The following DNAH7 variants were observed in gnomAD, a reference collection of about 807,000 sequenced individuals.
DNAH7 encodes the protein axonemal beta dynein heavy chain 7.
A neutral mutation model predicts 444.6 loss-of-function variants in DNAH7; 397 were observed. The ratio of observed to expected loss-of-function variants is 0.89; its 90% CI spans 0.82 to 0.97. DNAH7 has a LOEUF of 0.97. Ranked by LOEUF, DNAH7 falls within the 50% of genes least tolerant of loss-of-function variation. DNAH7 has a pLI of 0.00. For synonymous variants in DNAH7, 1,636 were observed against 1,624.4 expected, an observed-to-expected ratio of 1.01 and a Z score of -0.17; for missense variants, 4,902 against 4,800.8, an observed-to-expected ratio of 1.02 and a Z score of -0.62.
chr2:195,959,528 A>G (rs1690932632), intron 18 of DNAH7, among the ~76,000 whole-genome samples: 1 of 152,242 alleles, frequency 6.6e-6, no homozygotes, highest in African/African-American at 2.4e-5. Context: ...AAGACCAATC[A>G]GAACATGCCC....
chr2:195,770,600 C>A, intron 61 of DNAH7, among the ~76,000 whole-genome samples: 1 of 152,164 alleles, frequency 6.6e-6, no homozygotes. Context: ...AGGTCTCTCT[C>A]CAAGAGTCAT....
chr2:195,849,967 G>T (rs1255208914), intron 46 of DNAH7, among the ~76,000 whole-genome samples: 3 of 152,164 alleles, frequency 2.0e-5, no homozygotes, highest in Non-Finnish European at 4.4e-5. Context: ...TTTTGGAGAG[G>T]TCTGCAAGCT....
intron 21 of DNAH7, among the ~76,000 whole-genome samples, chr2:195,931,430 G>A (rs1177755139): frequency 6.6e-6 from 1 of 151,938 alleles, no homozygotes; most frequent in Non-Finnish European, 1.5e-5. Context: ...AGTTTAATGA[G>A]ATCCCATTTG....
intron 27 of DNAH7, chr2:195,904,698 G>T (rs1358641169): frequency 6.6e-6 from 1 of 152,238 alleles, no homozygotes; most frequent in African/African-American, 2.4e-5. Context: ...AAGACAGAAG[G>T]CAGGGAGCAG....
At chr2:195,978,151 A>T (rs1330072436) in intron 15 of DNAH7, among the ~76,000 whole-genome samples, 1 of 151,668 alleles carries the variant, frequency 6.6e-6, no homozygotes, top group Non-Finnish European at 1.5e-5. Context: ...TGTTAAGTAG[A>T]AAGGCAGAAA....
chr2:195,817,149 T>A (rs1391348279), intron 50 of DNAH7, among the ~76,000 whole-genome samples, 186 bp from the exon 51 acceptor site: 2 of 152,204 alleles, frequency 1.3e-5, no homozygotes, highest in Admixed American at 1.3e-4. Context: ...AGATGGGCCT[T>A]TCTGCTCCAG....
intron 58 of DNAH7, among the ~76,000 whole-genome samples, chr2:195,781,703 A>G (rs969127264): frequency 6.6e-5 from 10 of 151,874 alleles, no homozygotes; most frequent in Non-Finnish European, 1.0e-4. Context: ...TTAGTTATCA[A>G]AAAGGGGAAA....
intron 63 of DNAH7, among the ~76,000 whole-genome samples, chr2:195,753,247 G>A (rs566524808): frequency 1.3e-5 from 2 of 152,018 alleles, no homozygotes; most frequent in East Asian, 1.9e-4. Context: ...AGGATAAGGT[G>A]AGATGTGGGA....
chr2:195,957,549 GT>G, intron 18 of DNAH7, 102 bp from the exon 19 acceptor site: 1 of 750,698 alleles, frequency 1.3e-6, no homozygotes, highest in Non-Finnish European at 2.0e-6. Context: ...TGTATATAAT[GT>G]TATACAATTG....
At chr2:195,993,957 T>TA (rs751384641) in intron 12 of DNAH7, among the ~76,000 whole-genome samples, 1 of 152,196 alleles carries the variant, frequency 6.6e-6, no homozygotes. Context: ...AAGAAAAAGT[T>TA]AGAGTGAGAA....
At chr2:195,922,990 T>C (rs1490720068) in intron 23 of DNAH7, among the ~76,000 whole-genome samples, 1 of 152,044 alleles carries the variant, frequency 6.6e-6, no homozygotes, top group Non-Finnish European at 1.5e-5. Context: ...AGTCCTCAAG[T>C]AGCTGGGGCT....
At position 195,906,586 on chromosome 2, in the gene DNAH7, G is replaced by A. The variant is rs985299932; in HGVS notation, c.4335+73C>T. On this transcript the variant is annotated intron_variant, in intron 27 of 64. Transcript: ENST00000312428. The stretch of plus-strand genomic sequence containing the variant: ...TAGGATTATAGGCGTTAGCCACCAC[G>A]CCCAGCTCTTTTCATATATTAACTT... The A allele has an allele frequency of 1.8e-5, 26 of 1,422,432 alleles. No homozygotes were observed. The South Asian group carries it at 2.2e-4, about 12-fold the overall frequency. The allele number at this position is 1,422,432 out of a possible 1,614,324, so 88.1% of individuals were successfully genotyped here.
At chr2:196,059,074 A>G (rs12616415) in intron 1 of DNAH7, among the ~76,000 whole-genome samples, 6,697 of 152,262 alleles carry the variant, frequency 0.044, 336 homozygotes, top group African/African-American at 0.12. Flanking sequence ...AATTTAATGG[A>G]GAATTGGGCA....
At chr2:195,976,355 G>A (rs1385120138) in intron 15 of DNAH7, among the ~76,000 whole-genome samples, 1 of 152,168 alleles carries the variant, frequency 6.6e-6, no homozygotes, top group Non-Finnish European at 1.5e-5. Context: ...AAAAGGGGAG[G>A]GAAGAGTGGG....
chr2:195,840,530 G>C (rs540375308), intron 47 of DNAH7, among the ~76,000 whole-genome samples: 21 of 151,654 alleles, frequency 1.4e-4, no homozygotes, highest in South Asian at 1.0e-3. Context: ...GAAATAAAAG[G>C]CATACAGATT....
At chr2:196,039,493 G>A (rs1696595413) in intron 5 of DNAH7, among the ~76,000 whole-genome samples, 1 of 151,990 alleles carries the variant, frequency 6.6e-6, no homozygotes, top group Non-Finnish European at 1.5e-5. Flanking sequence ...AAAGACCAGA[G>A]TAGAACTAAA....
At chr2:196,003,162 C>CAA (rs796806394) in intron 10 of DNAH7, among the ~76,000 whole-genome samples, 1,437 of 118,732 alleles carry the variant, frequency 0.012, 17 homozygotes, top group African/African-American at 0.042. Flanking sequence ...GCAATTTCAC[C>CAA]AAAAAAAAAA....
At chr2:195,818,713 C>T (rs535829962) in intron 49 of DNAH7, among the ~76,000 whole-genome samples, 8 of 152,216 alleles carry the variant, frequency 5.3e-5, no homozygotes, top group Admixed American at 4.6e-4. Flanking sequence ...CACTCATCCA[C>T]ACACACTGCT....
At chr2:195,967,096 T>C (rs1286504538) in intron 17 of DNAH7, among the ~76,000 whole-genome samples, 2 of 152,128 alleles carry the variant, frequency 1.3e-5, no homozygotes. Context: ...TTTAATTTCT[T>C]ACTTTTCATT....
Sources: gnomAD v4.1 joint callset for allele counts (sites outside exome capture counted in the v4.1 genomes callset) on GRCh38, gnomAD v4.1.1 for gene constraint, MANE v1.5 for transcripts, NCBI Gene and HGNC (gene_info 2026-07-23, HGNC 2026-07-21) for gene names.